The following CCDC57 variants were observed in gnomAD, a reference collection of about 807,000 sequenced individuals.
The protein encoded by CCDC57 is coiled-coil domain containing 57.
In CCDC57, 118 loss-of-function variants were observed where a neutral mutation model predicts 118.9. The observed-to-expected ratio is 0.99, with a 90% CI of 0.86 to 1.16. The LOEUF is 1.16. CCDC57 is among the 50% of genes most tolerant of loss of function. The pLI, the probability that CCDC57 is intolerant of heterozygous loss-of-function variation, is 0.00. For missense variants in CCDC57, 1,300 were observed against 1,320.7 expected, an observed-to-expected ratio of 0.98 and a Z score of 0.24; for synonymous variants, 527 against 532.9, an observed-to-expected ratio of 0.99 and a Z score of 0.15.
intron 19 of CCDC57, among the ~76,000 whole-genome samples, chr17:82,109,239 GC>G (rs2035078175): frequency 6.6e-6 from 1 of 152,212 alleles, no homozygotes; most frequent in African/African-American, 2.4e-5. Flanking sequence ...CCGCAGGAGA[GC>G]TCAGACTCCA....
chr17:82,181,369 T>TGA (rs2046193677), intron 9 of CCDC57, among the ~76,000 whole-genome samples: 1 of 152,256 alleles, frequency 6.6e-6, no homozygotes, highest in Admixed American at 6.5e-5. Flanking sequence ...GTCATAGTGC[T>TGA]GAGTCAGCCC....
chr17:82,133,884 A>C (rs1338382291), intron 17 of CCDC57, among the ~76,000 whole-genome samples, 189 bp downstream of exon 16: 2 of 152,240 alleles, frequency 1.3e-5, no homozygotes, highest in Middle Eastern at 3.4e-3. Context: ...AATGAGAACC[A>C]AAACCAAACC....
At chr17:82,130,700 A>C (rs11868246) in intron 17 of CCDC57, among the ~76,000 whole-genome samples, 1 of 145,672 alleles carries the variant, frequency 6.9e-6, no homozygotes, top group African/African-American at 2.6e-5. Context: ...ATGGGGTTTC[A>C]TCATGTTGGC....
At chr17:82,106,011 G>A (rs2034821925) in intron 19 of CCDC57, among the ~76,000 whole-genome samples, 1 of 152,224 alleles carries the variant, frequency 6.6e-6, no homozygotes, top group African/African-American at 2.4e-5. Flanking sequence ...CCGACCACAG[G>A]CTGACCCCTT....
intron 19 of CCDC57, among the ~76,000 whole-genome samples, chr17:82,111,633 A>C (rs1029605639): frequency 6.6e-6 from 1 of 150,914 alleles, no homozygotes; most frequent in Admixed American, 6.6e-5. Flanking sequence ...TTTGAGACAG[A>C]GTCTGCTCTT....
rs546228819 is a variant in CCDC57, at chr17:82,212,762, C to T, written c.-211+23G>A. ...CGCCCCCCACGCCTCCCACGCCTCC[C>T]ACGCCGCCCGCCCGCACCTCACCCT... is the stretch of plus-strand genomic sequence containing the variant. On this transcript the variant is annotated intron_variant, in intron 1 of 19. Coordinates refer to ENST00000665763, the Ensembl canonical transcript of CCDC57. The surrounding 1 kb of genome is among the most constrained non-coding windows in gnomAD (Gnocchi z 4.1). 6.6e-6 allele frequency: 1 copy of T among 152,372 alleles called. No homozygotes were observed. Among genetic ancestry groups the T allele is most frequent in the Admixed American group, 6.5e-5 (1 of 15,282 alleles). 9.4% of individuals were successfully genotyped at this position (152,372 alleles called of 1,614,324 possible). A position where few individuals can be genotyped will look rare whatever the true frequency, so the allele number is the denominator to read the frequency against.
At chr17:82,132,118 C>CAAAAAAAAAAAAAAAA (rs58856013) in intron 17 of CCDC57, among the ~76,000 whole-genome samples, 1 of 101,922 alleles carries the variant, frequency 9.8e-6, no homozygotes, top group African/African-American at 3.6e-5. Flanking sequence ...GACTCTGTCT[C>CAAAAAAAAAAAAAAAA]AAAAAAAAAA....
At chr17:82,202,893 A>C (rs2049164377) in intron 2 of CCDC57, among the ~76,000 whole-genome samples, 1 of 152,238 alleles carries the variant, frequency 6.6e-6, no homozygotes, top group African/African-American at 2.4e-5. Context: ...ACAGCTGAGA[A>C]AACTAAGGCT....
rs1250202995 is a variant in CCDC57 at position 82,171,650 on chromosome 17, G to A, written c.1882+51C>T. 5.1e-6 allele frequency: 8 copies of A among 1,581,640 alleles called. No individual in the cohort carries two copies. The Admixed American group carries it at 5.2e-5, about 10-fold the overall frequency. ...TATGAGCGGACTTTTGCAGGGGTCA[G>A]ATTTCAGTTTATAAGGGGACAGCAA... On this transcript the variant is annotated intron_variant, in intron 13 of 19. Coordinates refer to ENST00000665763, the Ensembl canonical transcript of CCDC57.
intron 5 of CCDC57, among the ~76,000 whole-genome samples, chr17:82,194,648 A>C (rs1292429196): frequency 2.0e-5 from 3 of 152,118 alleles, no homozygotes; most frequent in Non-Finnish European, 4.4e-5. Flanking sequence ...CCCCACCAAA[A>C]TCAGTCTATT....
intron 7 of CCDC57, among the ~76,000 whole-genome samples, chr17:82,191,811 C>T (rs532170389): frequency 6.6e-6 from 1 of 152,090 alleles, no homozygotes; most frequent in South Asian, 2.1e-4. Context: ...GGACTACAGG[C>T]GTGAGCTGTC....
rs1171684921 is a variant in CCDC57 at position 82,163,274 on chromosome 17, AG to A, written c.1965del (p.Ser656LeufsTer15). The stretch of plus-strand genomic sequence containing the variant: ...CCGAGCTTCCTGAGTGCCAGTCCAG[AG>A]GATACTGGGCCAGCTTGGACAGATC... On this transcript the variant is annotated frameshift_variant, in exon 14 of 20. Coordinates refer to ENST00000665763, the Ensembl canonical transcript of CCDC57. LOFTEE classifies it high-confidence loss of function. 1 of 1,614,058 alleles carries A rather than the reference AG, an allele frequency of 6.2e-7. No homozygotes were observed.
chr17:82,187,303 T>TA (rs2047054634), intron 8 of CCDC57, among the ~76,000 whole-genome samples: 1 of 148,758 alleles, frequency 6.7e-6, no homozygotes, highest in South Asian at 2.1e-4. Context: ...GGAAAATGGT[T>TA]ACAATAGTAA....
chr17:82,117,276 C>T (rs1013658085), intron 19 of CCDC57, among the ~76,000 whole-genome samples: 18 of 152,164 alleles, frequency 1.2e-4, no homozygotes, highest in African/African-American at 4.1e-4. Flanking sequence ...CACTTGAGCC[C>T]AGGAGGTGGA....
At position 82,172,707 on chromosome 17, in the gene CCDC57, G is replaced by A; in HGVS notation, c.1660C>T (p.Gln554Ter). The change falls in exon 12 of 20, where the codon CAG (glutamine) becomes TAG (stop). Residue 554 changes from glutamine to a stop codon, truncating the protein, a stop_gained. Coordinates refer to ENST00000665763, the Ensembl canonical transcript of CCDC57. LOFTEE classifies it high-confidence loss of function. The surrounding 1 kb of genome is among the most constrained non-coding windows in gnomAD (Gnocchi z 5.2). ...GCATCTGTGCTCTCTGCCGCTGTCT[G>A]GATGGGAGGAGGAATCTGATGGCTT... The A allele has an allele frequency of 6.3e-7, 1 of 1,577,638 alleles. No homozygotes were observed. The highest frequency in any genetic ancestry group is 8.6e-7 in the Non-Finnish European group (1 of 1,161,584).
intron 17 of CCDC57, 35 bp from the exon 17 acceptor site, chr17:82,128,632 T>A: frequency 6.7e-7 from 1 of 1,491,966 alleles, no homozygotes. Context: ...GACTCTGGTA[T>A]TCACATGTAC....
At chr17:82,191,174 T>C (rs188277339) in intron 7 of CCDC57, among the ~76,000 whole-genome samples, 1 of 151,868 alleles carries the variant, frequency 6.6e-6, no homozygotes, top group African/African-American at 2.4e-5. Context: ...ACAGCATGGA[T>C]CTTGGAGAAA....
intron 4 of CCDC57, among the ~76,000 whole-genome samples, chr17:82,197,004 C>T (rs554169727): frequency 2.0e-5 from 3 of 147,598 alleles, no homozygotes; most frequent in African/African-American, 5.0e-5. Context: ...CTCAGCCCCT[C>T]GTGACTCCTG....
chr17:82,179,370 C>T (rs368085039), intron 9 of CCDC57, among the ~76,000 whole-genome samples, 181 bp from the exon 9 acceptor site: 6 of 152,206 alleles, frequency 3.9e-5, no homozygotes, highest in African/African-American at 1.4e-4. Flanking sequence ...AATACAAAGA[C>T]GAGCAGGCGC....
Sources: gnomAD v4.1 joint callset for allele counts (sites outside exome capture counted in the v4.1 genomes callset) on GRCh38, gnomAD v4.1.1 for gene constraint, Gnocchi (gnomAD v3.1) non-coding constraint, MANE v1.5 for transcripts, NCBI Gene and HGNC (gene_info 2026-07-23, HGNC 2026-07-21) for gene names.